DNAJC24: variants seen among roughly 807,000 people sequenced by gnomAD.
DNAJC24 encodes the protein DnaJ heat shock protein family (Hsp40) member C24.
DNAJC24 carries 17 observed loss-of-function variants against 18.0 expected under a neutral mutation model. The observed-to-expected ratio is 0.94, with a 90% CI of 0.65 to 1.42. The LOEUF is 1.42. DNAJC24 is among the 40% of genes most tolerant of loss of function. DNAJC24 has a pLI of 0.00. For synonymous variants in DNAJC24, 55 were observed against 57.7 expected (o/e 0.95, Z 0.21); for missense variants, 158 against 175.6 (o/e 0.90, Z 0.57).
intron 3 of DNAJC24, chr11:31,416,520 G>A (rs1415002945): frequency 6.6e-6 from 1 of 152,080 alleles, no homozygotes; most frequent in Non-Finnish European, 1.5e-5. Flanking sequence ...CTACTATATA[G>A]GATGCCAGTT....
chr11:31,391,485 A>G (rs892820861), intron 2 of DNAJC24, among the ~76,000 whole-genome samples: 8 of 152,358 alleles, frequency 5.3e-5, no homozygotes, highest in African/African-American at 1.2e-4. Flanking sequence ...ACAAATGGCA[A>G]ACAGGTGTAT....
chr11:31,370,677 G>T, intron 1 of DNAJC24, 39 bp from the exon 2 acceptor site: 1 of 1,038,656 alleles, frequency 9.6e-7, no homozygotes, highest in Non-Finnish European at 1.4e-6. Context: ...TTAGATACAT[G>T]GCAAACTGTG....
chr11:31,390,924 T>G (rs1952488942), intron 2 of DNAJC24, among the ~76,000 whole-genome samples: 1 of 152,010 alleles, frequency 6.6e-6, no homozygotes, highest in Non-Finnish European at 1.5e-5. Flanking sequence ...AAGGAAAACA[T>G]AGGCCAATAT....
Position 31,396,292 on chromosome 11 carries a change from C to T in DNAJC24, c.112-18519C>T, listed in dbSNP as rs777568287. On this transcript the variant is annotated intron_variant, in intron 2 of 4. Transcript: ENST00000465995. ...CTATTTTCTTTTCCAGGATCTATTC[C>T]TCTATGTGATATAAATGTCACTGTG... 7.9e-5 allele frequency: 36 copies of T among 453,812 alleles called. No individual in the cohort carries two copies. The Middle Eastern group carries it at 1.6e-3, about 21-fold the overall frequency. 28.1% of individuals were successfully genotyped at this position (453,812 alleles called of 1,614,324 possible).
At position 31,380,278 on chromosome 11, in the gene DNAJC24, A is replaced by G. The variant is rs1952363794; in HGVS notation, c.111+9419A>G. Among the ~76,000 whole-genome samples the G allele has an allele frequency of 2.0e-5, 3 of 152,256 alleles. No homozygotes were observed. The South Asian group carries it at 6.2e-4, about 31-fold the overall frequency. ...GAGATTGAGGATGTGGAAGATGAGCACAGAAAAGTAGAACAAAGACACATA... is the reference window on the plus strand; with the variant it reads ...GAGATTGAGGATGTGGAAGATGAGCGCAGAAAAGTAGAACAAAGACACATA... On this transcript the variant is annotated intron_variant, in intron 2 of 4. Coordinates refer to ENST00000465995, the MANE Select transcript of DNAJC24 (RefSeq NM_181706.5).
chr11:31,409,330 A>T (rs902253165), intron 2 of DNAJC24, among the ~76,000 whole-genome samples: 1 of 152,198 alleles, frequency 6.6e-6, no homozygotes, highest in Non-Finnish European at 1.5e-5. Flanking sequence ...ATATCATGTA[A>T]ATACCACCCC....
intron 2 of DNAJC24, among the ~76,000 whole-genome samples, chr11:31,387,377 C>T (rs1952440039): frequency 6.6e-6 from 1 of 152,110 alleles, no homozygotes; most frequent in Non-Finnish European, 1.5e-5. Context: ...GTTACCCCTT[C>T]CCCAGCTCCA....
intron 3 of DNAJC24, chr11:31,415,273 TAAC>T (rs1952742765): frequency 5.2e-6 from 1 of 190,870 alleles, no homozygotes; most frequent in South Asian, 1.2e-4. Flanking sequence ...AAATATGGAT[TAAC>T]ATTTTAATTG....
At position 31,429,237 on chromosome 11, in the gene DNAJC24, A is replaced by C. The variant is rs1210801641; in HGVS notation, c.320-1034A>C. ...TTTCCTTACTGATTAAAAAAAAAAA[A>C]AACACATAAAGTTAGCTTATTTAAT... On this transcript the variant is annotated intron_variant, in intron 4 of 4. Transcript: ENST00000465995. Among the ~76,000 whole-genome samples, 4 of 152,156 alleles carry C rather than the reference A, an allele frequency of 2.6e-5. No homozygotes were observed. The East Asian group carries it at 5.8e-4, about 22-fold the overall frequency.
At chr11:31,397,640 G>T (rs1220140813) in intron 2 of DNAJC24, among the ~76,000 whole-genome samples, 2 of 152,024 alleles carry the variant, frequency 1.3e-5, no homozygotes, top group African/African-American at 4.8e-5. Context: ...CACAGCCAAA[G>T]TCAGTCAATG....
intron 2 of DNAJC24, among the ~76,000 whole-genome samples, chr11:31,378,362 A>G (rs1161606631): frequency 6.8e-6 from 1 of 147,356 alleles, no homozygotes; most frequent in Admixed American, 6.7e-5. Context: ...TGTCATAGGG[A>G]GACTCTATCA....
rs116618849 is a variant in DNAJC24, at chr11:31,403,790, A to G, written c.112-11021A>G. Among the ~76,000 whole-genome samples, 1,296 of 152,286 alleles carry G rather than the reference A, an allele frequency of 8.5e-3. 26 individuals carry two copies. Among genetic ancestry groups the G allele is most frequent in the African/African-American group, 0.03 (1,251 of 41,546 alleles). On this transcript the variant is annotated intron_variant, in intron 2 of 4. Coordinates refer to ENST00000465995, the MANE Select transcript of DNAJC24 (RefSeq NM_181706.5). ...TTAGTTTCCCTGGGTGTTACAGGAAAGAGGTCTCAATCCAGACCCCAAGAG... is the reference window on the plus strand; with the variant it reads ...TTAGTTTCCCTGGGTGTTACAGGAAGGAGGTCTCAATCCAGACCCCAAGAG...
chr11:31,397,440 G>A (rs969482224), intron 2 of DNAJC24, among the ~76,000 whole-genome samples: 14 of 150,822 alleles, frequency 9.3e-5, no homozygotes, highest in Non-Finnish European at 1.5e-4. Context: ...TAAGCAATAG[G>A]TGGCAGTAGT....
intron 2 of DNAJC24, among the ~76,000 whole-genome samples, chr11:31,397,644 G>C (rs1291555978): frequency 6.6e-6 from 1 of 152,058 alleles, no homozygotes; most frequent in Non-Finnish European, 1.5e-5. Context: ...GCCAAAGTCA[G>C]TCAATGTGCA....
At chr11:31,416,510 CTACTATA>C (rs1191497214) in intron 3 of DNAJC24, 2 of 152,090 alleles carry the variant, frequency 1.3e-5, no homozygotes, top group Non-Finnish European at 2.9e-5. Flanking sequence ...TTACTAGTCT[CTACTATA>C]TAGGATGCCA....
At chr11:31,418,815 T>G (rs1366089954) in intron 3 of DNAJC24, among the ~76,000 whole-genome samples, 1 of 152,094 alleles carries the variant, frequency 6.6e-6, no homozygotes, top group Non-Finnish European at 1.5e-5. Context: ...CATTTCTGGT[T>G]TGTATTACAC....
At chr11:31,422,889 C>A (rs1181646058) in intron 3 of DNAJC24, among the ~76,000 whole-genome samples, 2 of 152,100 alleles carry the variant, frequency 1.3e-5, no homozygotes, top group Non-Finnish European at 2.9e-5. Flanking sequence ...TCCTTGGACA[C>A]CTGCCTCTCA....
At chr11:31,395,363 C>T (rs577853620) in intron 2 of DNAJC24, among the ~76,000 whole-genome samples, 9 of 152,026 alleles carry the variant, frequency 5.9e-5, no homozygotes, top group South Asian at 2.1e-4. Context: ...CATCCATGTC[C>T]TATGTGTCTT....
chr11:31,403,125 A>ATGTGTGTGTGTGTG (rs3979423), intron 2 of DNAJC24, among the ~76,000 whole-genome samples: 15 of 146,566 alleles, frequency 1.0e-4, no homozygotes, highest in African/African-American at 2.8e-4. Flanking sequence ...GCATATATGC[A>ATGTGTGTGTGTGTG]TGTGTGTGTG....
Sources: gnomAD v4.1 joint callset for allele counts (sites outside exome capture counted in the v4.1 genomes callset) on GRCh38, gnomAD v4.1.1 for gene constraint, MANE v1.5 for transcripts, NCBI Gene and HGNC (gene_info 2026-07-23, HGNC 2026-07-21) for gene names.